PRORP: variants seen among roughly 807,000 people sequenced by gnomAD.
PRORP encodes mitochondrial ribonuclease P catalytic subunit.
A neutral mutation model predicts 59.4 loss-of-function variants in PRORP; 51 were observed. That is an observed-to-expected ratio of 0.86 (90% CI 0.69 to 1.08). The LOEUF (loss-of-function observed/expected upper bound fraction) is 1.08. Among genes scored for constraint, PRORP ranks in the 50% least tolerant of loss-of-function variants. The probability of loss-of-function intolerance (pLI) is 0.00; values close to 1 mark genes in which losing one functional copy is unlikely to be tolerated. For missense variants in PRORP, 646 were observed against 690.3 expected (o/e 0.94, Z 0.72); for synonymous variants, 231 against 245.6 (o/e 0.94, Z 0.55).
chr14:35,257,697 T>C (rs2050795125), intron 5 of PRORP, among the ~76,000 whole-genome samples: 1 of 152,172 alleles, frequency 6.6e-6, no homozygotes, highest in African/African-American at 2.4e-5. Flanking sequence ...TTGATGATAG[T>C]TATCTTGCTG....
chr14:35,248,746 T>C (rs1290832587), intron 5 of PRORP, among the ~76,000 whole-genome samples: 12 of 152,200 alleles, frequency 7.9e-5, no homozygotes, highest in Admixed American at 7.9e-4. Flanking sequence ...AATATAGCAG[T>C]CACTTGAGAA....
intron 5 of PRORP, among the ~76,000 whole-genome samples, chr14:35,264,258 G>C (rs889494090): frequency 6.6e-6 from 1 of 152,000 alleles, no homozygotes; most frequent in Non-Finnish European, 1.5e-5. Flanking sequence ...CTCCCCAGTA[G>C]CTGGGATTAC....
At chr14:35,214,800 G>A (rs912589662) in intron 5 of PRORP, among the ~76,000 whole-genome samples, 3 of 152,142 alleles carry the variant, frequency 2.0e-5, no homozygotes, top group African/African-American at 4.8e-5. Context: ...CCAGCTACTT[G>A]GGTGGCTGAG....
At chr14:35,211,720 A>G (rs976594153) in intron 5 of PRORP, among the ~76,000 whole-genome samples, 4 of 152,194 alleles carry the variant, frequency 2.6e-5, no homozygotes, top group African/African-American at 4.8e-5. Context: ...CCTTCAGGGC[A>G]TCCTAATATT....
chr14:35,182,492 A>G (rs1462543109), intron 5 of PRORP, among the ~76,000 whole-genome samples: 3 of 151,990 alleles, frequency 2.0e-5, no homozygotes, highest in Non-Finnish European at 4.4e-5. Context: ...TAAAAATGCA[A>G]AAATTAGCCG....
At chr14:35,155,560 TA>T (rs33984722) in intron 4 of PRORP, among the ~76,000 whole-genome samples, 57,633 of 108,494 alleles carry the variant, frequency 0.53, 15,375 homozygotes, top group East Asian at 0.71. Context: ...GGTGTCTATT[TA>T]AAAAAAAAAA....
At chr14:35,268,342 CA>C (rs769701565) in intron 6 of PRORP, among the ~76,000 whole-genome samples, 96 of 50,860 alleles carry the variant, frequency 1.9e-3, no homozygotes, top group Middle Eastern at 0.012. Flanking sequence ...GAGACTGTCT[CA>C]AAAAAAAAAA....
intron 5 of PRORP, among the ~76,000 whole-genome samples, chr14:35,202,562 AT>A (rs2049184009): frequency 6.6e-6 from 1 of 152,188 alleles, no homozygotes; most frequent in Non-Finnish European, 1.5e-5. Flanking sequence ...GTATAAACTT[AT>A]TTAGAGCAGC....
intron 5 of PRORP, among the ~76,000 whole-genome samples, chr14:35,265,525 A>C (rs1292519487): frequency 6.6e-6 from 1 of 152,176 alleles, no homozygotes; most frequent in Non-Finnish European, 1.5e-5. Flanking sequence ...GCACACAATG[A>C]AGTGGAGGCC....
intron 5 of PRORP, among the ~76,000 whole-genome samples, chr14:35,185,711 A>G (rs1023915509): frequency 6.6e-6 from 1 of 152,192 alleles, no homozygotes; most frequent in African/African-American, 2.4e-5. Context: ...GTTGGTCCTA[A>G]AAGTGTTATA....
At chr14:35,141,122 T>C (rs1223440450) in intron 4 of PRORP, among the ~76,000 whole-genome samples, 5 of 146,126 alleles carry the variant, frequency 3.4e-5, no homozygotes, top group African/African-American at 1.2e-4. Context: ...CTGATTTAAC[T>C]ACTGACACTA....
upstream of PRORP, chr14:35,122,026 GC>G: frequency 2.5e-6 from 4 of 1,572,674 alleles, no homozygotes; most frequent in Non-Finnish European, 3.5e-6. Context: ...ACCAGCTCAG[GC>G]GTCAGCACCG....
intron 5 of PRORP, among the ~76,000 whole-genome samples, chr14:35,240,784 C>G (rs146223438): frequency 6.6e-6 from 1 of 152,268 alleles, no homozygotes; most frequent in East Asian, 1.9e-4. Flanking sequence ...CAATTAGTCC[C>G]TCTGGCCCTG....
intron 5 of PRORP, among the ~76,000 whole-genome samples, chr14:35,233,257 C>T (rs1214023878): frequency 6.7e-6 from 1 of 150,014 alleles, no homozygotes; most frequent in Non-Finnish European, 1.5e-5. Context: ...TTACCATCGG[C>T]TACGGCATTG....
chr14:35,184,889 T>C (rs1394567565), intron 5 of PRORP, among the ~76,000 whole-genome samples: 1 of 152,230 alleles, frequency 6.6e-6, no homozygotes, highest in African/African-American at 2.4e-5. Flanking sequence ...CTCCATGTTG[T>C]ATATGTGCCA....
chr14:35,240,729 C>T (rs556796752), intron 5 of PRORP, among the ~76,000 whole-genome samples: 2 of 152,198 alleles, frequency 1.3e-5, no homozygotes, highest in African/African-American at 2.4e-5. Flanking sequence ...TGTTCCTCCT[C>T]CTCCACATTG....
At position 35,233,710 on chromosome 14, in the gene PRORP, C is replaced by CT. The variant is rs911881646; in HGVS notation, c.1276-33008dup. Among the ~76,000 whole-genome samples, 9 of 150,904 alleles carry CT rather than the reference C, an allele frequency of 6.0e-5. No individual in the cohort carries two copies. In the East Asian group the frequency reaches 9.7e-4, roughly 16 times the overall value. ...GTAGTTCTCTAATTTTTTTCGTTTC[C>CT]TTTTTTTTTCCCTGCACAGAAAAAC... is the stretch of plus-strand genomic sequence containing the variant. On this transcript the variant is annotated intron_variant, in intron 5 of 7. Transcript: ENST00000534898.
intron 4 of PRORP, among the ~76,000 whole-genome samples, chr14:35,178,231 T>G (rs1017527176): frequency 1.5e-4 from 23 of 152,274 alleles, no homozygotes; most frequent in Non-Finnish European, 2.6e-4. Flanking sequence ...TGATTTGGGG[T>G]GGAGAGTTCT....
chr14:35,131,790 A>T (rs1038299905), intron 4 of PRORP, among the ~76,000 whole-genome samples: 2 of 151,412 alleles, frequency 1.3e-5, no homozygotes, highest in African/African-American at 4.9e-5. Flanking sequence ...CAGCCTCCCA[A>T]AGTGCTGGGA....
Sources: allele counts gnomAD v4.1 joint callset (sites outside exome capture counted in the v4.1 genomes callset), GRCh38; gene constraint gnomAD v4.1.1; transcripts MANE v1.5; gene names NCBI Gene and HGNC (gene_info 2026-07-23, HGNC 2026-07-21).